The following DPP6 variants were observed in gnomAD, a reference collection of about 807,000 sequenced individuals.
DPP6 encodes the protein dipeptidyl peptidase like 6.
DPP6 carries 69 observed loss-of-function variants against 122.6 expected under a neutral mutation model. The observed-to-expected ratio is 0.56, with a 90% CI of 0.46 to 0.69. The LOEUF is 0.69. Ranked by LOEUF, DPP6 falls within the 30% of genes least tolerant of loss-of-function variation. The pLI, the probability that DPP6 is intolerant of heterozygous loss-of-function variation, is 0.00. For missense variants in DPP6, 928 were observed against 1,116.9 expected, an observed-to-expected ratio of 0.83 and a Z score of 2.41; for synonymous variants, 418 against 433.1, an observed-to-expected ratio of 0.97 and a Z score of 0.43.
the DPP6 span, among the ~76,000 whole-genome samples, chr7:153,847,878 T>C: frequency 2.0e-5 from 3 of 152,204 alleles, no homozygotes; most frequent in Non-Finnish European, 4.4e-5. Context: ...CTCCCATTTC[T>C]GGGATTTCCC....
chr7:154,475,285 T>G, intron 3 of DPP6: 1 of 454,858 alleles, frequency 2.2e-6, no homozygotes, highest in Non-Finnish European at 4.1e-6. Context: ...GAAATGGGTC[T>G]GCTGAAGACG....
intron 1 of DPP6, among the ~76,000 whole-genome samples, chr7:153,966,391 A>G (rs1472809695): frequency 6.7e-6 from 1 of 149,500 alleles, no homozygotes; most frequent in Non-Finnish European, 1.5e-5. Flanking sequence ...CAGGGGAGGC[A>G]CCAGCTGTCA....
At chr7:154,091,472 C>T (rs573590518) in intron 1 of DPP6, among the ~76,000 whole-genome samples, 3 of 152,274 alleles carry the variant, frequency 2.0e-5, no homozygotes, top group African/African-American at 4.8e-5. Context: ...TTTCTATCAG[C>T]CCTCCTTGTA....
intron 1 of DPP6, among the ~76,000 whole-genome samples, chr7:154,326,435 G>A (rs1808452436): frequency 6.6e-6 from 1 of 152,136 alleles, no homozygotes; most frequent in Admixed American, 6.5e-5. Context: ...AAACAAGGAT[G>A]CAGATATAAT....
chr7:154,151,146 C>T lies in DPP6; in HGVS notation c.243+98083C>T, dbSNP rs368095624. ...CTTCCCCAGAACCCGATGTGGTTTT[C>T]AGTAGAGGCTTCTTCCATGGAAGCT... On this transcript the variant is annotated intron_variant, in intron 1 of 25. Transcript: ENST00000377770. 9.3e-4 allele frequency among the ~76,000 whole-genome samples: 141 copies of T among 152,316 alleles called. 1 individual carries two copies. The Middle Eastern group carries it at 0.017, about 18-fold the overall frequency.
chr7:153,774,459 T>TGC, the DPP6 span, among the ~76,000 whole-genome samples: 1 of 152,186 alleles, frequency 6.6e-6, no homozygotes, highest in African/African-American at 2.4e-5. Flanking sequence ...ATGTCAATCA[T>TGC]GTGAGGAACT....
intron 6 of DPP6, among the ~76,000 whole-genome samples, chr7:154,664,188 A>G (rs1205142308): frequency 6.6e-6 from 1 of 151,874 alleles, no homozygotes. Flanking sequence ...TATTGGCGCT[A>G]GTGTTCATAA....
At chr7:154,865,328 GATC>G (rs1803768055) in intron 17 of DPP6, 1 of 152,266 alleles carries the variant, frequency 6.6e-6, no homozygotes, top group South Asian at 2.1e-4. Context: ...CACCTGGGAT[GATC>G]ATGTCAGCAG....
intron 7 of DPP6, among the ~76,000 whole-genome samples, chr7:154,718,977 C>G (rs552819050): frequency 2.0e-5 from 3 of 152,306 alleles, no homozygotes; most frequent in African/African-American, 7.2e-5. Flanking sequence ...CATCCCCCCA[C>G]TGCTCAGAAG....
intron 1 of DPP6, among the ~76,000 whole-genome samples, chr7:154,106,493 C>T (rs1470507173): frequency 1.5e-5 from 2 of 133,396 alleles, no homozygotes; most frequent in Admixed American, 1.6e-4. Context: ...GGGCTGCGTG[C>T]TGGAGATTCA....
chr7:153,974,337 A>G (rs1255864453), intron 1 of DPP6, among the ~76,000 whole-genome samples: 2 of 152,142 alleles, frequency 1.3e-5, no homozygotes, highest in Non-Finnish European at 2.9e-5. Context: ...TCCCATGTGG[A>G]ATTGTGACCA....
intron 6 of DPP6, among the ~76,000 whole-genome samples, chr7:154,653,630 A>G (rs1330698322): frequency 6.6e-6 from 1 of 151,192 alleles, no homozygotes; most frequent in Non-Finnish European, 1.5e-5. Flanking sequence ...TGATTGGTTG[A>G]GAGATGATTG....
chr7:154,252,884 C>T (rs1026365142), intron 1 of DPP6, among the ~76,000 whole-genome samples: 1 of 152,224 alleles, frequency 6.6e-6, no homozygotes, highest in Non-Finnish European at 1.5e-5. Flanking sequence ...GAAGAGTCTA[C>T]GTGGCAGCTC....
At chr7:154,705,311 C>T (rs746393045) in intron 7 of DPP6, among the ~76,000 whole-genome samples, 63 of 152,176 alleles carry the variant, frequency 4.1e-4, no homozygotes, top group Non-Finnish European at 7.1e-4. Context: ...AGACAGCATC[C>T]TGGGGCATGT....
chr7:154,738,261 A>G (rs997830761), intron 8 of DPP6, among the ~76,000 whole-genome samples: 9 of 152,226 alleles, frequency 5.9e-5, no homozygotes, highest in African/African-American at 2.2e-4. Flanking sequence ...AACAGGAGAT[A>G]AAAGGGATGA....
chr7:153,910,545 T>C (rs10487688), intron 1 of DPP6, among the ~76,000 whole-genome samples: 32,136 of 151,970 alleles, frequency 0.21, 3,521 homozygotes, highest in Admixed American at 0.26. Flanking sequence ...TACATAGCTT[T>C]AAGCAGAATC....
chr7:154,488,765 T>C (rs59482795), intron 3 of DPP6, among the ~76,000 whole-genome samples: 9,085 of 152,142 alleles, frequency 0.06, 888 homozygotes, highest in African/African-American at 0.2. Context: ...CATGAAGCTA[T>C]GTCCTATGGA....
chr7:154,801,597 C>T, intron 13 of DPP6, 135 bp downstream of exon 13: 6 of 1,278,328 alleles, frequency 4.7e-6, no homozygotes, highest in Non-Finnish European at 6.3e-6. Context: ...GAAGGCAGGG[C>T]AGGGCATGGC....
chr7:154,218,666 T>G (rs1022489681), intron 1 of DPP6, among the ~76,000 whole-genome samples: 1 of 152,216 alleles, frequency 6.6e-6, no homozygotes, highest in African/African-American at 2.4e-5. Flanking sequence ...TGATTCATCA[T>G]TTTCCTTGTC....
Sources: allele counts gnomAD v4.1 joint callset (sites outside exome capture counted in the v4.1 genomes callset), GRCh38; gene constraint gnomAD v4.1.1; transcripts MANE v1.5; gene names NCBI Gene and HGNC (gene_info 2026-07-23, HGNC 2026-07-21).